The following NLRC5 variants were observed in gnomAD, a reference collection of about 807,000 sequenced individuals.
The protein encoded by NLRC5 is NLR family CARD domain containing 5.
Under a neutral mutation model 206.9 loss-of-function variants are expected in NLRC5, and 114 were observed. That is an observed-to-expected ratio of 0.55 (90% CI 0.47 to 0.64). The LOEUF is 0.64. NLRC5 is among the 30% of genes least tolerant of loss of function. The probability of loss-of-function intolerance (pLI) is 0.00; values close to 1 mark genes in which losing one functional copy is unlikely to be tolerated. For synonymous variants in NLRC5, 952 were observed against 962.8 expected (o/e 0.99, Z 0.21); for missense variants, 2,008 against 2,305.5 (o/e 0.87, Z 2.64).
intron 2 of NLRC5, among the ~76,000 whole-genome samples, chr16:57,019,084 T>C (rs2060384487): frequency 6.6e-6 from 1 of 152,206 alleles, no homozygotes; most frequent in Non-Finnish European, 1.5e-5. Flanking sequence ...TTGGTACTTC[T>C]AGAAGGAGGT....
chr16:57,071,021 T>TTGG (rs2067644953), intron 38 of NLRC5, among the ~76,000 whole-genome samples: 2 of 27,416 alleles, frequency 7.3e-5, no homozygotes, highest in Admixed American at 4.6e-4. Flanking sequence ...AGTGGTGGCG[T>TTGG]TGGTTAATGG....
intron 15 of NLRC5, among the ~76,000 whole-genome samples, chr16:57,039,571 G>A (rs1014821266): frequency 1.3e-5 from 2 of 150,902 alleles, no homozygotes; most frequent in African/African-American, 2.4e-5. Context: ...TTTTTAATTA[G>A]CTGGGCCTGA....
At chr16:56,994,459 G>A (rs765787252) in intron 1 of NLRC5, among the ~76,000 whole-genome samples, 9 of 152,172 alleles carry the variant, frequency 5.9e-5, no homozygotes, top group Admixed American at 1.3e-4. Context: ...GGCTACAGCC[G>A]GGAACACAAC....
intron 32 of NLRC5, among the ~76,000 whole-genome samples, chr16:57,063,379 G>A (rs1332129729): frequency 6.6e-6 from 1 of 151,690 alleles, no homozygotes; most frequent in African/African-American, 2.4e-5. Flanking sequence ...GCCTTCCAAA[G>A]TGCTGGGATT....
chr16:57,067,347 C>G, intron 34 of NLRC5, 40 bp from the exon 35 acceptor site: 1 of 1,541,622 alleles, frequency 6.5e-7, no homozygotes, highest in Non-Finnish European at 9.0e-7. Flanking sequence ...ACATACTGGA[C>G]TAGATGTTCC....
Position 57,041,545 on chromosome 16 carries a change from A to G in NLRC5, c.3000A>G (p.Gly1000=). ...HLEQLCKALG[G]SCHLGHLHLD... Reference sequence around the variant, plus strand: ...AGCAGCTCTGCAAGGCTCTGGGAGGAAGCTGCCACCTCGGTCACCTCCACC... The same window carrying G: ...AGCAGCTCTGCAAGGCTCTGGGAGGGAGCTGCCACCTCGGTCACCTCCACC... The change falls in exon 18 of 49, where the codon GGA becomes GGG. Residue 1000 remains glycine (G), a synonymous_variant. Transcript: ENST00000688547. 6.2e-7 allele frequency: 1 copy of G among 1,613,994 alleles called. No homozygotes were observed. Among genetic ancestry groups the G allele is most frequent in the Non-Finnish European group, 8.5e-7 (1 of 1,179,978 alleles).
At chr16:57,061,762 A>C in intron 32 of NLRC5, 61 bp downstream of exon 32, 1 of 1,574,232 alleles carries the variant, frequency 6.4e-7, no homozygotes, top group Non-Finnish European at 8.6e-7. Context: ...AGGGGTGGGC[A>C]CTGGAGTAAG....
intron 34 of NLRC5, 121 bp downstream of exon 34, chr16:57,066,735 G>C (rs1567633094): frequency 1.1e-6 from 1 of 888,694 alleles, no homozygotes; most frequent in Non-Finnish European, 1.8e-6. Flanking sequence ...CTTTACACAG[G>C]CTACAGAGGT....
At chr16:57,072,061 A>G (rs1210840109) in intron 38 of NLRC5, among the ~76,000 whole-genome samples, 1 of 152,130 alleles carries the variant, frequency 6.6e-6, no homozygotes, top group African/African-American at 2.4e-5. Flanking sequence ...AGACAGAAAT[A>G]TATTGGCTTA....
intron 28 of NLRC5, 48 bp downstream of exon 28, chr16:57,058,196 C>G: frequency 6.6e-7 from 1 of 1,514,790 alleles, no homozygotes; most frequent in Non-Finnish European, 9.0e-7. Flanking sequence ...GGAAGGCTCC[C>G]CTAGGCCAAA....
chr16:57,081,326 G>T, intron 47 of NLRC5, 145 bp downstream of exon 47: 1 of 931,432 alleles, frequency 1.1e-6, no homozygotes, highest in Non-Finnish European at 1.6e-6. Flanking sequence ...CCCCTGCCAG[G>T]CTTAGTTCCC....
rs758137404 is a variant in NLRC5 at position 57,054,840 on chromosome 16, G to A, written c.3596G>A (p.Arg1199Lys). 1.2e-6 allele frequency: 2 copies of A among 1,614,142 alleles called. No homozygotes were observed. Among genetic ancestry groups the A allele is most frequent in the Non-Finnish European group, 1.7e-6 (2 of 1,179,938 alleles). ...CCACGGGTTAAAAAGGTGGATCTCA[G>A]GTGGGCATTCCCCTGGGACAGCCAG... The part of the protein sequence containing the change: ...LCPRVKKVDL[R>K]SLHHATLHFR... Residue 1199 changes from arginine to lysine, a missense_variant and splice_region_variant, in exon 25 of 49, where the codon AGG becomes AAG. By Grantham distance (26) the Arg-to-Lys change is conservative (BLOSUM62 2). Coordinates refer to ENST00000688547, the MANE Select transcript of NLRC5 (RefSeq NM_001384950.1).
At position 57,079,152 on chromosome 16, in the gene NLRC5, G is replaced by A; in HGVS notation, c.5165+19G>A. The A allele has an allele frequency of 6.2e-7, 1 of 1,614,022 alleles. No individual in the cohort carries two copies. The highest frequency in any genetic ancestry group is 1.6e-4 in the Middle Eastern group (1 of 6,062). On this transcript the variant is annotated intron_variant, in intron 44 of 48. Transcript: ENST00000688547. Reference sequence around the variant, plus strand: ...AGATCAGGTAAGTAGGGGCTGCCCAGCCCAGGCACGGGGACAGTCCTGGGC... The same window carrying A: ...AGATCAGGTAAGTAGGGGCTGCCCAACCCAGGCACGGGGACAGTCCTGGGC...
intron 46 of NLRC5, among the ~76,000 whole-genome samples, chr16:57,080,459 G>A (rs2068984912): frequency 6.7e-6 from 1 of 149,146 alleles, no homozygotes; most frequent in Non-Finnish European, 1.5e-5. Flanking sequence ...ATTGATAGTA[G>A]CAATAAAAGT....
Position 57,064,105 on chromosome 16 carries a change from G to A in NLRC5, c.4155-1107G>A, listed in dbSNP as rs549616620. ...ATATTGGTTGGGGGAAGTGGCACAC[G>A]CCTGTAATCCCAACACTTTGGGAGG... On this transcript the variant is annotated intron_variant, in intron 32 of 48. Coordinates refer to ENST00000688547, the MANE Select transcript of NLRC5 (RefSeq NM_001384950.1). Among the ~76,000 whole-genome samples the A allele has an allele frequency of 1.6e-3, 238 of 151,836 alleles. 1 individual carries two copies. The highest frequency in any genetic ancestry group is 5.5e-3 in the African/African-American group (230 of 41,454).
chr16:57,025,355 C>G lies in NLRC5; in HGVS notation c.425-13C>G. On this transcript the variant is annotated splice_polypyrimidine_tract_variant and intron_variant, in intron 5 of 48. Transcript: ENST00000688547. The stretch of plus-strand genomic sequence containing the variant: ...GGGGTCCTCTCCTCATGCCATGTCC[C>G]TGCCCCTTGCAGAGTTGGCCAAGAA... 6.5e-7 allele frequency: 1 copy of G among 1,528,156 alleles called. No individual in the cohort carries two copies. Among genetic ancestry groups the G allele is most frequent in the African/African-American group, 1.4e-5 (1 of 72,222 alleles). The allele number at this position is 1,528,156 out of a possible 1,614,324, so 94.7% of individuals were successfully genotyped here. A position where few individuals can be genotyped will look rare whatever the true frequency, so the allele number is the denominator to read the frequency against.
At chr16:56,997,964 C>T (rs2057813524) in intron 1 of NLRC5, among the ~76,000 whole-genome samples, 1 of 152,112 alleles carries the variant, frequency 6.6e-6, no homozygotes, top group African/African-American at 2.4e-5. Flanking sequence ...TATACACAAA[C>T]CATGGCCCAA....
At position 57,021,007 on chromosome 16, in the gene NLRC5, G is replaced by T; in HGVS notation, c.295G>T (p.Gly99Trp). Residue 99 changes from glycine to tryptophan, a missense_variant and splice_region_variant, in exon 3 of 49, where the codon GGG becomes TGG. Transcript: ENST00000688547. Reference protein sequence around the residue: ...LLLSTFGYDDGFTSQLGAEGK... With the variant: ...LLLSTFGYDDWFTSQLGAEGK... ...GCTGAGTACTTTTGGCTATGATGAT[G>T]GTAAGGGCAGGTGTGAGAGACGCAA... 6.2e-7 allele frequency: 1 copy of T among 1,612,818 alleles called. No homozygotes were observed. The highest frequency in any genetic ancestry group is 8.5e-7 in the Non-Finnish European group (1 of 1,178,958).
chr16:57,043,405 G>C, intron 19 of NLRC5, 110 bp from the exon 20 acceptor site: 1 of 853,028 alleles, frequency 1.2e-6, no homozygotes, highest in East Asian at 2.4e-5. Context: ...GGGTTCAGTG[G>C]GTTCCGTCAT....
Sources: gnomAD v4.1 joint callset for allele counts (sites outside exome capture counted in the v4.1 genomes callset) on GRCh38, gnomAD v4.1.1 for gene constraint, MANE v1.5 for transcripts, NCBI Gene and HGNC (gene_info 2026-07-23, HGNC 2026-07-21) for gene names.